LMO1: variants seen among roughly 807,000 people sequenced by gnomAD.
The protein encoded by LMO1 is rhombotin-1.
LMO1 carries 10 observed loss-of-function variants against 18.0 expected under a neutral mutation model. The ratio of observed to expected loss-of-function variants is 0.55; its 90% CI spans 0.34 to 0.94. The LOEUF (loss-of-function observed/expected upper bound fraction) is 0.94. LMO1 is among the 40% of genes least tolerant of loss of function. LMO1 has a pLI of 0.02. For missense variants in LMO1, 183 were observed against 205.7 expected, an observed-to-expected ratio of 0.89 and a Z score of 0.68; for synonymous variants, 77 against 77.9, an observed-to-expected ratio of 0.99 and a Z score of 0.06.
At chr11:8,239,109 G>T (rs1952810446) in intron 1 of LMO1, among the ~76,000 whole-genome samples, 1 of 152,228 alleles carries the variant, frequency 6.6e-6, no homozygotes. Flanking sequence ...GCAGCTAGGA[G>T]GCTGCAGGGC....
intron 1 of LMO1, among the ~76,000 whole-genome samples, chr11:8,252,443 CT>C (rs1347145723): frequency 6.6e-6 from 1 of 152,248 alleles, no homozygotes; most frequent in Non-Finnish European, 1.5e-5. Context: ...CCCAGTGATC[CT>C]GCCTCCTGGC....
chr11:8,263,033 C>G lies in LMO1; in HGVS notation c.25+305G>C, dbSNP rs1219296050. Among the ~76,000 whole-genome samples the G allele has an allele frequency of 2.0e-5, 3 of 152,064 alleles. No homozygotes were observed. In the East Asian group the frequency reaches 5.8e-4, roughly 29 times the overall value. ...CGCGGAGATCGCAAGGGAGCCCCAG[C>G]CTCCGCGCGGCCCCGCGGCGCAGCA... On this transcript the variant is annotated intron_variant, in intron 1 of 3. Transcript: ENST00000335790.
In LMO1 at chr11:8,224,608, G is replaced by T. The variant is rs373701640; in HGVS notation, c.*8C>A. 8 of 1,562,002 alleles carry T rather than the reference G, an allele frequency of 5.1e-6. No individual in the cohort carries two copies. The African/African-American group carries it at 6.8e-5, about 13-fold the overall frequency. On this transcript the variant is annotated 3_prime_UTR_variant, in exon 4 of 4. Coordinates refer to ENST00000335790, the MANE Select transcript of LMO1 (RefSeq NM_002315.3). ...GGACAGACGGGCCTGGAGGCCAGGC[G>T]CCGGGCGTTACTGAACTTGGGATTC...
chr11:8,246,305 G>A (rs138881263), intron 1 of LMO1, among the ~76,000 whole-genome samples: 2 of 152,258 alleles, frequency 1.3e-5, no homozygotes, highest in East Asian at 3.9e-4. Flanking sequence ...TCCATCAATT[G>A]ACAAACGAAT....
chr11:8,232,085 T>C (rs1952672504), intron 1 of LMO1, among the ~76,000 whole-genome samples: 2 of 152,092 alleles, frequency 1.3e-5, no homozygotes, highest in African/African-American at 4.8e-5. Context: ...CCCAGCTGGC[T>C]CCTCAGACTT....
At chr11:8,261,888 G>C (rs772514984) in intron 1 of LMO1, among the ~76,000 whole-genome samples, 1 of 152,086 alleles carries the variant, frequency 6.6e-6, no homozygotes, top group African/African-American at 2.4e-5. Flanking sequence ...TCCCACCCCA[G>C]CTAGCCCAGA....
intron 2 of LMO1, among the ~76,000 whole-genome samples, chr11:8,227,705 C>T (rs1952573136): frequency 6.6e-6 from 1 of 152,164 alleles, no homozygotes; most frequent in Non-Finnish European, 1.5e-5. Context: ...ATTATTATTC[C>T]CCATTTTAAA....
rs142817725 is a variant in LMO1, at chr11:8,224,772, A to AGG, written c.366-53_366-52dup. ...AGCCATGGGAAGGTCCCAGTGGGTA[A>AGG]GGGGGGGGCTGCAGACAGAAGCCGG... is the stretch of plus-strand genomic sequence containing the variant. On this transcript the variant is annotated intron_variant, in intron 3 of 3. Coordinates refer to ENST00000335790, the MANE Select transcript of LMO1 (RefSeq NM_002315.3). 10 of 1,240,720 alleles carry AGG rather than the reference A, an allele frequency of 8.1e-6. No individual in the cohort carries two copies. The African/African-American group carries it at 1.2e-4, about 15-fold the overall frequency. The allele number at this position is 1,240,720 out of a possible 1,614,324, so 76.9% of individuals were successfully genotyped here.
At chr11:8,233,053 C>T (rs1348466393) in intron 1 of LMO1, among the ~76,000 whole-genome samples, 1 of 152,234 alleles carries the variant, frequency 6.6e-6, no homozygotes, top group Non-Finnish European at 1.5e-5. Context: ...CCCCTCCCCA[C>T]TGCCCGTGCC....
At chr11:8,260,676 C>A (rs895817420) in intron 1 of LMO1, among the ~76,000 whole-genome samples, 1 of 152,032 alleles carries the variant, frequency 6.6e-6, no homozygotes, top group Non-Finnish European at 1.5e-5. Context: ...TTCAGAAGTG[C>A]AACATGAAAG....
At chr11:8,225,843 G>A (rs1338766362) in intron 3 of LMO1, among the ~76,000 whole-genome samples, 1 of 152,212 alleles carries the variant, frequency 6.6e-6, no homozygotes, top group Non-Finnish European at 1.5e-5. Context: ...AGGTCCCTCT[G>A]AACCTCACTT....
chr11:8,245,414 C>G (rs1394090328), intron 1 of LMO1, among the ~76,000 whole-genome samples: 1 of 152,150 alleles, frequency 6.6e-6, no homozygotes, highest in Non-Finnish European at 1.5e-5. Flanking sequence ...AGAGCAATAA[C>G]ATTCAACTTG....
chr11:8,263,601 C>T lies in LMO1; in HGVS notation c.-239G>A. On this transcript the variant is annotated 5_prime_UTR_variant, in exon 1 of 4. Transcript: ENST00000335790. ...CAGAATTGGAAGGAACTACGAACTG[C>T]AATTTAGAGAGAGAGGGAGAGGGAG... 1 of 1,359,806 alleles carries T rather than the reference C, an allele frequency of 7.4e-7. No homozygotes were observed. Among genetic ancestry groups the T allele is most frequent in the Non-Finnish European group, 9.4e-7 (1 of 1,060,520 alleles). 84.2% of individuals were successfully genotyped at this position (1,359,806 alleles called of 1,614,324 possible).
chr11:8,233,393 T>C (rs982588615), intron 1 of LMO1, among the ~76,000 whole-genome samples: 4 of 152,140 alleles, frequency 2.6e-5, no homozygotes, highest in African/African-American at 9.7e-5. Context: ...CATATCCCCC[T>C]GGTCTCTCTG....
chr11:8,264,894 G>A (rs1847245841), upstream of LMO1, among the ~76,000 whole-genome samples: 1 of 152,190 alleles, frequency 6.6e-6, no homozygotes, highest in South Asian at 2.1e-4. Flanking sequence ...GCCTCCCACA[G>A]TGATGGGATT....
intron 1 of LMO1, among the ~76,000 whole-genome samples, chr11:8,253,535 T>C (rs911282426): frequency 1.0e-3 from 154 of 152,288 alleles, no homozygotes; most frequent in South Asian, 2.1e-4. Flanking sequence ...GTTTTACAAA[T>C]AGGAAAACTG....
chr11:8,265,920 G>A (rs1457301280), upstream of LMO1, among the ~76,000 whole-genome samples: 1 of 152,190 alleles, frequency 6.6e-6, no homozygotes, highest in East Asian at 1.9e-4. Context: ...ACCAGGACTG[G>A]GCTAGCTGTG....
intron 1 of LMO1, among the ~76,000 whole-genome samples, chr11:8,251,568 C>A (rs1019282175): frequency 6.6e-6 from 1 of 152,188 alleles, no homozygotes; most frequent in African/African-American, 2.4e-5. Context: ...GGGTGAGAGA[C>A]CCCACTGGGG....
intron 1 of LMO1, among the ~76,000 whole-genome samples, chr11:8,245,363 A>G (rs1396894283): frequency 2.0e-5 from 3 of 152,178 alleles, no homozygotes; most frequent in Admixed American, 2.0e-4. Context: ...CCGGCAAGTC[A>G]TTTAGCCTCT....
Sources: allele counts gnomAD v4.1 joint callset (sites outside exome capture counted in the v4.1 genomes callset), GRCh38; gene constraint gnomAD v4.1.1; transcripts MANE v1.5; gene names NCBI Gene and HGNC (gene_info 2026-07-23, HGNC 2026-07-21).